Variants in ARHGAP26 observed in about 807,000 individuals in gnomAD.
ARHGAP26 encodes the protein rho GTPase-activating protein 26.
Under a neutral mutation model 104.8 loss-of-function variants are expected in ARHGAP26, and 38 were observed. The ratio of observed to expected loss-of-function variants is 0.36; its 90% confidence interval spans 0.28 to 0.48. ARHGAP26 has a LOEUF of 0.48. Among genes scored for constraint, ARHGAP26 ranks in the 20% least tolerant of loss-of-function variants. The pLI is 0.99. For synonymous variants in ARHGAP26, 341 were observed against 340.0 expected, an observed-to-expected ratio of 1.00 and a Z score of -0.03; for missense variants, 704 against 947.9, an observed-to-expected ratio of 0.74 and a Z score of 3.38.
intron 17 of ARHGAP26, among the ~76,000 whole-genome samples, chr5:143,084,736 C>T (rs1474063654): frequency 6.6e-6 from 1 of 152,026 alleles, no homozygotes; most frequent in East Asian, 1.9e-4. Context: ...TTTGCTTATG[C>T]CAACATCTCC....
chr5:142,981,457 ACCTT>A (rs1773933890), intron 11 of ARHGAP26, among the ~76,000 whole-genome samples: 1 of 152,156 alleles, frequency 6.6e-6, no homozygotes, highest in East Asian at 1.9e-4. Flanking sequence ...CCATGCAGGC[ACCTT>A]CCTCTGCCTC....
chr5:143,098,039 C>T (rs1471582978), intron 17 of ARHGAP26, among the ~76,000 whole-genome samples: 1 of 152,092 alleles, frequency 6.6e-6, no homozygotes, highest in Non-Finnish European at 1.5e-5. Context: ...GAATTCCATA[C>T]AGTTTTTACT....
chr5:143,184,723 G>C (rs577412060), intron 20 of ARHGAP26, among the ~76,000 whole-genome samples: 179 of 152,282 alleles, frequency 1.2e-3, no homozygotes, highest in Non-Finnish European at 2.2e-3. Flanking sequence ...TTTGAACCTA[G>C]ACTGGATCTG....
chr5:143,068,302 C>T (rs1472761208), intron 17 of ARHGAP26, among the ~76,000 whole-genome samples: 1 of 152,240 alleles, frequency 6.6e-6, no homozygotes, highest in Non-Finnish European at 1.5e-5. Flanking sequence ...CATCCTACTA[C>T]ATTTCTCTAG....
rs139956452 is a variant in ARHGAP26, at chr5:143,187,536, G to A, written c.1989-19662G>A. On this transcript the variant is annotated intron_variant, in intron 20 of 22. Transcript: ENST00000645722. ...TGTCTGCCGGGCTTGTGGAGGAGGC[G>A]TGTGGAAGCTTTTTTCTGAGCCATC... Among the ~76,000 whole-genome samples, 591 of 152,320 alleles carry A rather than the reference G, an allele frequency of 3.9e-3. 5 individuals carry two copies. Among genetic ancestry groups the A allele is most frequent in the African/African-American group, 0.013 (560 of 41,552 alleles).
chr5:142,907,458 T>C (rs1176574785), intron 8 of ARHGAP26: 1 of 246,356 alleles, frequency 4.1e-6, no homozygotes, highest in Non-Finnish European at 8.0e-6. Flanking sequence ...ACCCACTGGA[T>C]GTAGCATCAA....
intron 18 of ARHGAP26, among the ~76,000 whole-genome samples, chr5:143,131,683 C>T (rs1157584959): frequency 1.3e-5 from 2 of 152,212 alleles, no homozygotes; most frequent in Non-Finnish European, 2.9e-5. Flanking sequence ...TGGTCACTCT[C>T]CTGCTTAGCT....
intron 20 of ARHGAP26, among the ~76,000 whole-genome samples, chr5:143,155,781 AT>A (rs1468475981): frequency 3.9e-5 from 6 of 152,254 alleles, no homozygotes; most frequent in South Asian, 2.1e-4. Flanking sequence ...AGCTAAAATC[AT>A]ATAAAGGGTC....
At chr5:143,204,907 A>G in intron 20 of ARHGAP26, among the ~76,000 whole-genome samples, 1 of 151,988 alleles carries the variant, frequency 6.6e-6, no homozygotes, top group Non-Finnish European at 1.5e-5. Context: ...TGTTCTCTTG[A>G]ACCTCCAAAT....
chr5:143,117,872 G>T (rs1307250859), intron 17 of ARHGAP26, among the ~76,000 whole-genome samples: 2 of 152,208 alleles, frequency 1.3e-5, no homozygotes, highest in Non-Finnish European at 2.9e-5. Flanking sequence ...ATTGTTTTAG[G>T]CCTACTCAGA....
At chr5:142,925,411 A>G (rs539070397) in intron 10 of ARHGAP26, among the ~76,000 whole-genome samples, 1 of 152,230 alleles carries the variant, frequency 6.6e-6, no homozygotes, top group South Asian at 2.1e-4. Context: ...AGTTTCCCTA[A>G]TTTTTCTTAC....
intron 20 of ARHGAP26, among the ~76,000 whole-genome samples, chr5:143,156,872 C>G (rs1236706207): frequency 2.0e-5 from 3 of 152,240 alleles, no homozygotes; most frequent in African/African-American, 7.2e-5. Flanking sequence ...TCCATCTCCC[C>G]CCAAAAGCCC....
chr5:142,839,430 C>A (rs1336791892), intron 1 of ARHGAP26, among the ~76,000 whole-genome samples: 1 of 151,976 alleles, frequency 6.6e-6, no homozygotes, highest in African/African-American at 2.4e-5. Flanking sequence ...TATAACTTGC[C>A]CAAGGTCATC....
intron 10 of ARHGAP26, among the ~76,000 whole-genome samples, chr5:142,922,271 ATG>A (rs1312157714): frequency 1.3e-5 from 2 of 152,132 alleles, no homozygotes; most frequent in Non-Finnish European, 2.9e-5. Flanking sequence ...GACTGAGATT[ATG>A]TGTTTTCCAA....
At chr5:143,015,465 G>C (rs1779460638) in intron 12 of ARHGAP26, among the ~76,000 whole-genome samples, 2 of 152,196 alleles carry the variant, frequency 1.3e-5, no homozygotes, top group Non-Finnish European at 1.5e-5. Context: ...TGTAGTCCTT[G>C]CCTCACCTTT....
At chr5:143,154,077 A>T (rs1347773698) in intron 20 of ARHGAP26, among the ~76,000 whole-genome samples, 1 of 151,684 alleles carries the variant, frequency 6.6e-6, no homozygotes, top group African/African-American at 2.4e-5. Context: ...GTTGGTCAAC[A>T]TTCATTCCAC....
At chr5:143,213,325 C>A (rs1275146071) in intron 21 of ARHGAP26, among the ~76,000 whole-genome samples, 1 of 152,182 alleles carries the variant, frequency 6.6e-6, no homozygotes, top group African/African-American at 2.4e-5. Flanking sequence ...TGTCCCCTCT[C>A]CCTTCTTCCT....
intron 11 of ARHGAP26, among the ~76,000 whole-genome samples, chr5:142,991,384 G>A (rs2152756279): frequency 6.6e-6 from 1 of 152,302 alleles, no homozygotes; most frequent in South Asian, 2.1e-4. Context: ...GGCCAGGAAA[G>A]GGAATTCCCT....
intron 17 of ARHGAP26, among the ~76,000 whole-genome samples, chr5:143,111,923 C>T (rs1209250502): frequency 6.6e-6 from 1 of 152,174 alleles, no homozygotes; most frequent in Non-Finnish European, 1.5e-5. Flanking sequence ...CAGTAGGTGA[C>T]GTGTTTAACC....
Sources: allele counts gnomAD v4.1 joint callset (sites outside exome capture counted in the v4.1 genomes callset), GRCh38; gene constraint gnomAD v4.1.1; transcripts MANE v1.5; gene names NCBI Gene and HGNC (gene_info 2026-07-23, HGNC 2026-07-21).